The following TTN variants were observed in gnomAD, a reference collection of about 807,000 sequenced individuals.
TTN encodes the protein titin.
In TTN, 1,525 loss-of-function variants were observed where a neutral mutation model predicts 3,223.0. The observed-to-expected ratio is 0.47, with a 90% confidence interval of 0.45 to 0.49. The LOEUF (loss-of-function observed/expected upper bound fraction) is 0.49. TTN is among the 20% of genes least tolerant of loss of function. The pLI is 0.00. For missense variants in TTN, 40,786 were observed against 43,424.0 expected (o/e 0.94, Z 5.40); for synonymous variants, 14,094 against 15,161.0 (o/e 0.93, Z 5.17).
Position 178,612,997 on chromosome 2 carries a change from G to A in TTN, c.49724C>T (p.Pro16575Leu). 6.2e-7 allele frequency: 1 copy of A among 1,612,714 alleles called. No individual in the cohort carries two copies. Among genetic ancestry groups the A allele is most frequent in the Non-Finnish European group, 8.5e-7 (1 of 1,179,246 alleles). The stretch of plus-strand genomic sequence containing the variant: ...AATCTTTGCACCTCCATCATGTTCT[G>A]GTTTTGTCCAATTCAACCTTACTGA... Reference protein sequence around the residue: ...KTSVRLNWTKPEHDGGAKIES... With the variant: ...KTSVRLNWTKLEHDGGAKIES... Residue 16575 changes from proline to leucine, a missense_variant, in exon 265 of 363, where the codon CCA becomes CTA. Transcript: ENST00000589042.
At position 178,720,378 on chromosome 2, in the gene TTN, T is replaced by C. The variant is rs377655856; in HGVS notation, c.23377+7A>G. 4 of 1,608,368 alleles carry C rather than the reference T, an allele frequency of 2.5e-6. No homozygotes were observed. The African/African-American group carries it at 4.0e-5, about 16-fold the overall frequency. On this transcript the variant is annotated splice_region_variant and intron_variant, in intron 80 of 362. Coordinates refer to ENST00000589042, the MANE Select transcript of TTN (RefSeq NM_001267550.2). ...GGGCATATATTTTTGTGTCCATGTATACAAACCTTTGAACTTGACAGAGCA... is the reference window on the plus strand; with the variant it reads ...GGGCATATATTTTTGTGTCCATGTACACAAACCTTTGAACTTGACAGAGCA...
Position 178,735,028 on chromosome 2 carries a change from T to C in TTN, c.14936-40A>G, listed in dbSNP as rs1169726718. ...CAAAAAAGAAAAAGGAGAAGATATC[T>C]GAAACATAAACTCCGCAAAAGAAAA... On this transcript the variant is annotated intron_variant, in intron 50 of 362. Coordinates refer to ENST00000589042, the MANE Select transcript of TTN (RefSeq NM_001267550.2). 2.0e-6 allele frequency: 3 copies of C among 1,487,718 alleles called. No individual in the cohort carries two copies. The East Asian group carries it at 7.4e-5, about 37-fold the overall frequency. 92.2% of individuals were successfully genotyped at this position (1,487,718 alleles called of 1,614,324 possible).
chr2:178,770,170 G>A lies in TTN; in HGVS notation c.8531C>T (p.Ser2844Leu), dbSNP rs2091265064. 1 of 1,613,998 alleles carries A rather than the reference G, an allele frequency of 6.2e-7. No individual in the cohort carries two copies. Among genetic ancestry groups the A allele is most frequent in the African/African-American group, 1.3e-5 (1 of 74,896 alleles). The change falls in exon 36 of 363, where the codon TCA becomes TTA. Residue 2844 changes from serine (S) to leucine (L), a missense_variant. Transcript: ENST00000589042. ...IKPSDKHRLVSERKVHKLMLQ... is the reference protein window; with the variant it reads ...IKPSDKHRLVLERKVHKLMLQ... ...CATCAGCTTGTGGACTTTCCTTTCT[G>A]AGACCAGTCTGTGTTTGTCACTTGG...
chr2:178,542,328 T>TG lies in TTN; in HGVS notation c.97427dup (p.Thr32477AsnfsTer13), dbSNP rs2154142450. On this transcript the variant is annotated frameshift_variant, in exon 349 of 363. Coordinates refer to ENST00000589042, the MANE Select transcript of TTN (RefSeq NM_001267550.2). LOFTEE classifies it high-confidence loss of function. ...AAGAGCCAATCCCGAAGCGGTTTGT[T>TG]GCAGCCACACGGAACACATACTCAT... 6.2e-7 allele frequency: 1 copy of TG among 1,613,284 alleles called. No individual in the cohort carries two copies. Among genetic ancestry groups the TG allele is most frequent in the Non-Finnish European group, 8.5e-7 (1 of 1,179,570 alleles).
At chr2:178,541,148 C>T (rs1694326968) in intron 350 of TTN, 134 bp downstream of exon 350, 1 of 876,778 alleles carries the variant, frequency 1.1e-6, no homozygotes, top group Admixed American at 3.7e-5. Context: ...AAAAATATTC[C>T]ACATTTTGAT....
At chr2:178,688,451 A>G (rs2071439877) in intron 126 of TTN, among the ~76,000 whole-genome samples, 1 of 152,232 alleles carries the variant, frequency 6.6e-6, no homozygotes, top group Non-Finnish European at 1.5e-5. Flanking sequence ...TTTCAAAATT[A>G]TAACATTTTC....
chr2:178,562,032 C>T lies in TTN; in HGVS notation c.84100G>A (p.Glu28034Lys), dbSNP rs1243085385. 6.2e-7 allele frequency: 1 copy of T among 1,613,376 alleles called. No individual in the cohort carries two copies. The highest frequency in any genetic ancestry group is 8.5e-7 in the Non-Finnish European group (1 of 1,179,670). Residue 28034 changes from glutamate to lysine, a missense_variant, in exon 326 of 363, where the codon GAA becomes AAA. By Grantham distance (56) the Glu-to-Lys change is moderately conservative. Coordinates refer to ENST00000589042, the MANE Select transcript of TTN (RefSeq NM_001267550.2). ...CCAGCACTGTTTGAAACACATAATT[C>T]ATAAGTTCCAACATCTTCCTTTGAA... is the stretch of plus-strand genomic sequence containing the variant. The part of the protein sequence containing the change: ...EASKEDVGTY[E>K]LCVSNSAGSI...
At chr2:178,798,511 G>A (rs901614734) in intron 6 of TTN, 1 of 151,884 alleles carries the variant, frequency 6.6e-6, no homozygotes, top group Non-Finnish European at 1.5e-5. Flanking sequence ...ATATTTAAAA[G>A]GTTTTACTTA....
At position 178,562,280 on chromosome 2, in the gene TTN, C is replaced by G; in HGVS notation, c.83852G>C (p.Gly27951Ala). The G allele has an allele frequency of 2.5e-6, 4 of 1,613,444 alleles. No homozygotes were observed. Among genetic ancestry groups the G allele is most frequent in the Non-Finnish European group, 3.4e-6 (4 of 1,179,650 alleles). ...AATATCCCTTGCAATTACTGGCACT[C>G]CAAGTTGTCTTGGATCACTTCTTCC... is the stretch of plus-strand genomic sequence containing the variant. ...EKGRSDPRQL[G>A]VPVIARDIEI... The change falls in exon 326 of 363, where the codon GGA becomes GCA. Residue 27951 changes from glycine (G) to alanine (A), a missense_variant. Gly to Ala is a moderately conservative substitution (Grantham distance 60). Coordinates refer to ENST00000589042, the MANE Select transcript of TTN (RefSeq NM_001267550.2).
At chr2:178,751,585 T>C (rs1421631906) in intron 47 of TTN, 1 of 1,613,272 alleles carries the variant, frequency 6.2e-7, no homozygotes, top group Non-Finnish European at 8.5e-7. Flanking sequence ...ATTCTAAATA[T>C]TTCTCATCTT....
Position 178,713,271 on chromosome 2 carries a change from T to C in TTN, c.26863A>G (p.Ile8955Val), listed in dbSNP as rs72648994. Residue 8955 changes from isoleucine (I) to valine (V), a missense_variant, in exon 93 of 363, where the codon ATC (isoleucine) becomes GTC (valine). Coordinates refer to ENST00000589042, the MANE Select transcript of TTN (RefSeq NM_001267550.2). ...CCTTCATGGAACCAGGAGACAGAGA[T>C]TGGAGGTGACCCATAGACTTTACAC... ...MECKVYGSPP[I>V]SVSWFHEGNE... The C allele has an allele frequency of 2.3e-3, 3,631 of 1,610,926 alleles. 28 individuals carry two copies. Among genetic ancestry groups the C allele is most frequent in the South Asian group, 7.1e-3 (642 of 90,426 alleles).
In TTN at chr2:178,594,093, G is replaced by C. The variant is rs770789921; in HGVS notation, c.58300C>G (p.His19434Asp). ...AGTGTTGCTGGTGTAGTCTTTATATGAGTGCGATCATCTTCCAGCACATCA... is the reference window on the plus strand; with the variant it reads ...AGTGTTGCTGGTGTAGTCTTTATATCAGTGCGATCATCTTCCAGCACATCA... ...EADVLEDDRT[H>D]IKTTPATLAL... is the part of the protein sequence containing the mutation. The change falls in exon 297 of 363, where the codon CAT becomes GAT. Residue 19434 changes from histidine (H) to aspartate (D), a missense_variant. His to Asp is a moderately conservative substitution (Grantham distance 81, BLOSUM62 -1). Coordinates refer to ENST00000589042, the MANE Select transcript of TTN (RefSeq NM_001267550.2). The C allele has an allele frequency of 1.9e-6, 3 of 1,613,444 alleles. No homozygotes were observed. Among genetic ancestry groups the C allele is most frequent in the Admixed American group, 3.3e-5 (2 of 59,954 alleles).
rs749903521 is a variant in TTN, at chr2:178,621,569, T to C, written c.45255A>G (p.Arg15085=). The C allele has an allele frequency of 1.2e-6, 2 of 1,612,466 alleles. No individual in the cohort carries two copies. The highest frequency in any genetic ancestry group is 2.2e-5 in the South Asian group (2 of 91,046). ...GGTGAGCGTTCTGAATGACCAGGATTCTCTTCCGTCCTTCAGTCAGTATTT... is the reference window on the plus strand; with the variant it reads ...GGTGAGCGTTCTGAATGACCAGGATCCTCTTCCGTCCTTCAGTCAGTATTT... ...RYEILTEGRK[R]ILVIQNAHLE... is the part of the protein sequence containing the mutation. Residue 15085 remains arginine, a synonymous_variant, in exon 245 of 363, where the codon AGA becomes AGG. Transcript: ENST00000589042.
intron 155 of TTN, 34 bp from the exon 156 acceptor site, chr2:178,671,204 AC>A: frequency 1.3e-5 from 19 of 1,516,108 alleles, no homozygotes; most frequent in Non-Finnish European, 1.7e-5. Context: ...TTTAGAATGA[AC>A]TCTTGAAGTA....
At position 178,527,759 on chromosome 2, in the gene TTN, T is replaced by C. The variant is rs2154130393; in HGVS notation, c.107378-11A>G. ...GTTCTTCAACTAGAGCTGTGGAGCA[T>C]AGCAGATACACAGTGAACATCAATG... On this transcript the variant is annotated splice_polypyrimidine_tract_variant and intron_variant, in intron 361 of 362. Coordinates refer to ENST00000589042, the MANE Select transcript of TTN (RefSeq NM_001267550.2). The C allele has an allele frequency of 2.5e-6, 4 of 1,569,308 alleles. No homozygotes were observed. Among genetic ancestry groups the C allele is most frequent in the South Asian group, 2.4e-5 (2 of 83,624 alleles).
intron 127 of TTN, among the ~76,000 whole-genome samples, 200 bp from the exon 128 acceptor site, chr2:178,685,798 T>C (rs984843257): frequency 6.6e-6 from 1 of 152,150 alleles, no homozygotes; most frequent in African/African-American, 2.4e-5. Flanking sequence ...AAATGGGAAA[T>C]AGGTTTCATT....
Position 178,727,270 on chromosome 2 carries a change from C to T in TTN, c.20095G>A (p.Val6699Ile). The stretch of plus-strand genomic sequence containing the variant: ...TCATGTTCATTTCGGAACCACACAA[C>T]TCTGATTTCTGGGGATCCAGCTATC... Reference protein sequence around the residue: ...CKIAGSPEIRVVWFRNEHELP... With the variant: ...CKIAGSPEIRIVWFRNEHELP... The change falls in exon 69 of 363, where the codon GTT becomes ATT. Residue 6699 changes from valine to isoleucine, a missense_variant. Physicochemically the swap from Val to Ile is conservative, Grantham distance 29 (BLOSUM62 3). Transcript: ENST00000589042. 1 of 1,613,160 alleles carries T rather than the reference C, an allele frequency of 6.2e-7. No individual in the cohort carries two copies. Among genetic ancestry groups the T allele is most frequent in the Non-Finnish European group, 8.5e-7 (1 of 1,179,418 alleles).
rs528199328 is a variant in TTN, at chr2:178,634,297, C to T, written c.42415+69G>A. On this transcript the variant is annotated intron_variant, in intron 230 of 362. Transcript: ENST00000589042. This position sits in a 1 kb window ranked among gnomAD's most constrained non-coding sequence, Gnocchi z 4.6. ...CATTATCACAGCTTTTAGAACTTGGCGTCCTATCTTTAAAGTCATATATTT... is the reference window on the plus strand; with the variant it reads ...CATTATCACAGCTTTTAGAACTTGGTGTCCTATCTTTAAAGTCATATATTT... The T allele has an allele frequency of 1.5e-4, 225 of 1,546,664 alleles. No individual in the cohort carries two copies. In the African/African-American group the frequency reaches 2.6e-3, roughly 18 times the overall value.
In TTN at chr2:178,707,743, C is replaced by T. The variant is rs2076090470; in HGVS notation, c.28824G>A (p.Gln9608=). ...PVTVSEGEYV[Q]LSCHVQGSEP... ...CAGATCCCTGGACATGGCAGCTGAG[C>T]TGCACGTATTCTCCTTCACTCACTG... The change falls in exon 100 of 363, where the codon CAG becomes CAA. Residue 9608 remains glutamine, a synonymous_variant. Coordinates refer to ENST00000589042, the MANE Select transcript of TTN (RefSeq NM_001267550.2). 1 of 1,613,824 alleles carries T rather than the reference C, an allele frequency of 6.2e-7. No individual in the cohort carries two copies. The highest frequency in any genetic ancestry group is 1.3e-5 in the African/African-American group (1 of 74,942).
Sources: allele counts gnomAD v4.1 joint callset (sites outside exome capture counted in the v4.1 genomes callset), GRCh38; gene constraint gnomAD v4.1.1; non-coding constraint Gnocchi (gnomAD v3.1); transcripts MANE v1.5; gene names NCBI Gene and HGNC (gene_info 2026-07-23, HGNC 2026-07-21).